The following TMEM178B variants were observed in gnomAD, a reference collection of about 807,000 sequenced individuals.
The protein encoded by TMEM178B is transmembrane protein 178B.
A neutral mutation model predicts 31.0 loss-of-function variants in TMEM178B; 5 were observed. The observed-to-expected ratio is 0.16, with a 90% CI of 0.08 to 0.34. The LOEUF is 0.34. Among genes scored for constraint, TMEM178B ranks in the 10% least tolerant of loss-of-function variants. TMEM178B has a pLI of 1.00. For missense variants in TMEM178B, 275 were observed against 400.3 expected, an observed-to-expected ratio of 0.69 and a Z score of 2.67; for synonymous variants, 164 against 164.0, an observed-to-expected ratio of 1.00 and a Z score of 0.00.
rs140675687 is a variant in TMEM178B, at chr7:141,327,602, T to C, written c.497-110006T>C. Among the ~76,000 whole-genome samples the C allele has an allele frequency of 1.7e-3, 252 of 152,278 alleles. 1 individual carries two copies. Among genetic ancestry groups the C allele is most frequent in the African/African-American group, 5.6e-3 (234 of 41,562 alleles). ...TTTTTGGGGCATAAGAAGGACAAGA[T>C]GTATGCTTGGTTTCTATGTGTCCCA... On this transcript the variant is annotated intron_variant, in intron 2 of 3. Coordinates refer to ENST00000565468, the MANE Select transcript of TMEM178B (RefSeq NM_001195278.2).
intron 2 of TMEM178B, among the ~76,000 whole-genome samples, chr7:141,310,858 A>G (rs1378817225): frequency 6.6e-6 from 1 of 152,242 alleles, no homozygotes. Context: ...GCGTATGTTC[A>G]TTGCAACACT....
chr7:141,391,663 G>C (rs1311709720), intron 2 of TMEM178B, among the ~76,000 whole-genome samples: 1 of 151,984 alleles, frequency 6.6e-6, no homozygotes, highest in Non-Finnish European at 1.5e-5. Flanking sequence ...CTGAAACTCT[G>C]TCCTCCATAG....
intron 2 of TMEM178B, among the ~76,000 whole-genome samples, chr7:141,290,097 A>G (rs1798520583): frequency 6.6e-6 from 1 of 152,212 alleles, no homozygotes; most frequent in Admixed American, 6.5e-5. Context: ...CATTCTACTC[A>G]TTCTGCAGAC....
In TMEM178B at chr7:141,195,503, C is replaced by T. The variant is rs1023027175; in HGVS notation, c.383-17088C>T. ...TTATCTCCATCTGAGACCACCTCAG[C>T]GTGGACCTTATTGTTCATATCACTA... On this transcript the variant is annotated intron_variant, in intron 1 of 3. Coordinates refer to ENST00000565468, the MANE Select transcript of TMEM178B (RefSeq NM_001195278.2). Among the ~76,000 whole-genome samples the T allele has an allele frequency of 5.5e-4, 83 of 152,220 alleles. 1 individual carries two copies. Among genetic ancestry groups the T allele is most frequent in the African/African-American group, 1.1e-3 (47 of 41,448 alleles).
chr7:141,370,801 A>T (rs966618682), intron 2 of TMEM178B, among the ~76,000 whole-genome samples: 2 of 152,248 alleles, frequency 1.3e-5, no homozygotes, highest in Non-Finnish European at 2.9e-5. Flanking sequence ...GCAAATGCAG[A>T]GGATATGCAC....
chr7:141,175,506 A>G (rs759474661), intron 1 of TMEM178B, among the ~76,000 whole-genome samples: 4 of 152,138 alleles, frequency 2.6e-5, no homozygotes, highest in Non-Finnish European at 4.4e-5. Flanking sequence ...AAGAAAGTCA[A>G]TGGTGGCTTG....
At chr7:141,341,863 G>A (rs902794479) in intron 2 of TMEM178B, among the ~76,000 whole-genome samples, 9 of 152,250 alleles carry the variant, frequency 5.9e-5, no homozygotes, top group African/African-American at 2.2e-4. Flanking sequence ...TACACTTGGG[G>A]CTCCAGTGAC....
intron 1 of TMEM178B, among the ~76,000 whole-genome samples, chr7:141,081,802 GT>G (rs1794691265): frequency 6.6e-6 from 1 of 152,120 alleles, no homozygotes; most frequent in Admixed American, 6.6e-5. Flanking sequence ...TATTTATAAG[GT>G]CTACAGTAGT....
chr7:141,182,744 G>A (rs1272411317), intron 1 of TMEM178B, among the ~76,000 whole-genome samples: 1 of 152,148 alleles, frequency 6.6e-6, no homozygotes, highest in African/African-American at 2.4e-5. Flanking sequence ...TTCTTGTGGT[G>A]GTGAATAACG....
intron 2 of TMEM178B, among the ~76,000 whole-genome samples, chr7:141,266,062 T>C (rs565554410): frequency 3.3e-5 from 5 of 152,218 alleles, no homozygotes; most frequent in Non-Finnish European, 7.3e-5. Flanking sequence ...CTGGAGCACA[T>C]CAGCTCTTCT....
intron 2 of TMEM178B, among the ~76,000 whole-genome samples, chr7:141,219,373 A>T (rs2017515): frequency 2.6e-5 from 4 of 152,158 alleles, no homozygotes; most frequent in Non-Finnish European, 4.4e-5. Context: ...CTGCAGCATC[A>T]GCCATTTTCC....
At chr7:141,308,233 C>T (rs138956879) in intron 2 of TMEM178B, among the ~76,000 whole-genome samples, 1 of 152,300 alleles carries the variant, frequency 6.6e-6, no homozygotes, top group African/African-American at 2.4e-5. Flanking sequence ...AGTGGAACTC[C>T]AGCTGAAAGA....
At position 141,135,545 on chromosome 7, in the gene TMEM178B, G is replaced by A. The variant is rs75692707; in HGVS notation, c.382+60853G>A. Reference sequence around the variant, plus strand: ...ATATCAAGTATCTTCTCAGATCACCGTGGAATAAAAGTAGAAATCAATAAC... The same window carrying A: ...ATATCAAGTATCTTCTCAGATCACCATGGAATAAAAGTAGAAATCAATAAC... On this transcript the variant is annotated intron_variant, in intron 1 of 3. Coordinates refer to ENST00000565468, the MANE Select transcript of TMEM178B (RefSeq NM_001195278.2). 1.9e-3 allele frequency among the ~76,000 whole-genome samples: 286 copies of A among 152,230 alleles called. 2 individuals carry two copies. Among genetic ancestry groups the A allele is most frequent in the Admixed American group, 5.0e-3 (77 of 15,296 alleles).
chr7:141,252,189 C>G (rs879729618), intron 2 of TMEM178B, among the ~76,000 whole-genome samples: 3 of 152,144 alleles, frequency 2.0e-5, no homozygotes, highest in African/African-American at 7.2e-5. Flanking sequence ...GATCTTTTCC[C>G]CACTAGCTGG....
At chr7:141,411,279 A>C (rs1333601548) in intron 2 of TMEM178B, among the ~76,000 whole-genome samples, 2 of 152,188 alleles carry the variant, frequency 1.3e-5, no homozygotes, top group Admixed American at 1.3e-4. Context: ...GAGAAGATGG[A>C]GAGTTAATGC....
intron 2 of TMEM178B, among the ~76,000 whole-genome samples, chr7:141,273,868 A>T (rs555929455): frequency 1.1e-4 from 17 of 152,150 alleles, no homozygotes; most frequent in Non-Finnish European, 2.4e-4. Context: ...ATATGTTTGG[A>T]TGTAATAGGT....
chr7:141,337,064 AT>A (rs1160089061), intron 2 of TMEM178B, among the ~76,000 whole-genome samples: 3 of 77,718 alleles, frequency 3.9e-5, no homozygotes, highest in African/African-American at 1.9e-4. Context: ...CACCACCACC[AT>A]CACTACCACC....
At chr7:141,246,693 G>A (rs2191932) in intron 2 of TMEM178B, among the ~76,000 whole-genome samples, 72,685 of 151,916 alleles carry the variant, frequency 0.48, 17,788 homozygotes, top group East Asian at 0.8. Flanking sequence ...AGGCGTAGAG[G>A]TGGGAACAAG....
chr7:141,414,080 T>TATGGCTGTGTAATAGCTCA (rs1586944675), intron 2 of TMEM178B, among the ~76,000 whole-genome samples: 1 of 52,668 alleles, frequency 1.9e-5, no homozygotes, highest in Non-Finnish European at 3.5e-5. Flanking sequence ...ACATCATTTT[T>TATGGCTGTGTAATAGCTCA]TTTTTTTTTT....
Sources: allele counts gnomAD v4.1 joint callset (sites outside exome capture counted in the v4.1 genomes callset), GRCh38; gene constraint gnomAD v4.1.1; transcripts MANE v1.5; gene names NCBI Gene and HGNC (gene_info 2026-07-23, HGNC 2026-07-21).